Variants in GPAT2 observed in about 807,000 individuals in gnomAD.
GPAT2 encodes the protein glycerol-3-phosphate acyltransferase 2, mitochondrial, also known as 1-acylglycerol-3-phosphate O-acyltransferase GPAT2.
In GPAT2, 51 loss-of-function variants were observed where a neutral mutation model predicts 71.0. The ratio of observed to expected loss-of-function variants is 0.72; its 90% CI spans 0.57 to 0.91. The LOEUF (loss-of-function observed/expected upper bound fraction) is 0.91. Among genes scored for constraint, GPAT2 ranks in the 40% least tolerant of loss-of-function variants. The pLI is 0.00. For missense variants in GPAT2, 511 were observed against 666.0 expected, an observed-to-expected ratio of 0.77 and a Z score of 2.56; for synonymous variants, 222 against 290.3, an observed-to-expected ratio of 0.76 and a Z score of 2.39.
rs748872711 is a variant in GPAT2, at chr2:96,025,487, C to T, written c.1355G>A (p.Ser452Asn). 1.4e-5 allele frequency: 22 copies of T among 1,573,740 alleles called. No individual in the cohort carries two copies. Among genetic ancestry groups the T allele is most frequent in the Admixed American group, 9.6e-5 (5 of 51,954 alleles). Residue 452 changes from serine (S) to asparagine (N), a missense_variant and splice_region_variant, in exon 13 of 22, where the codon AGT (serine) becomes AAT (asparagine). Around this residue, in one of 7 missense-constraint regions of GPAT2, gnomAD observed 295 missense variants for 305.5 expected, o/e 0.97. Transcript: ENST00000434632. Reference protein sequence around the residue: ...LVRRLSCHVLSASVGSSAVMS... With the variant: ...LVRRLSCHVLNASVGSSAVMS... The stretch of plus-strand genomic sequence containing the variant: ...GCCCAGATCTGGTTCACCCTCACCA[C>T]TCAGGACATGACAGCTCAGTCTCCT...
intron 20 of GPAT2, 73 bp from the exon 21 acceptor site, chr2:96,022,796 T>C (rs1573843995): frequency 6.2e-7 from 1 of 1,613,842 alleles, no homozygotes. Flanking sequence ...TTCTCTCCTC[T>C]TGTTTAAAGA....
At chr2:96,022,606 C>T in intron 21 of GPAT2, 62 bp downstream of exon 21, 1 of 1,571,422 alleles carries the variant, frequency 6.4e-7, no homozygotes, top group Middle Eastern at 1.7e-4. Flanking sequence ...CTGGGTTTCC[C>T]TGAGCTACTC....
At chr2:96,023,804 G>T in intron 17 of GPAT2, 119 bp downstream of exon 17, 1 of 1,486,826 alleles carries the variant, frequency 6.7e-7, no homozygotes, top group Non-Finnish European at 9.0e-7. Flanking sequence ...GCCAGGGGCT[G>T]CCCACCCCCA....
In GPAT2 at chr2:96,023,412, G is replaced by A. The variant is rs200780251; in HGVS notation, c.1943C>T (p.Thr648Ile). 3 of 1,614,122 alleles carry A rather than the reference G, an allele frequency of 1.9e-6. No individual in the cohort carries two copies. The highest frequency in any genetic ancestry group is 2.7e-5 in the African/African-American group (2 of 75,074). ...CTTTCTGCTCAATCGCTGTCGCCCT[G>A]TGTCACAGGCTGGCCGGGAGCCTGG... ...ETPGSRPACD[T>I]GRQRLSRKLL... is the part of the protein sequence containing the mutation. The change falls in exon 18 of 22, where the codon ACA becomes ATA. Residue 648 changes from threonine (T) to isoleucine (I), a missense_variant. Coordinates refer to ENST00000434632, the MANE Select transcript of GPAT2 (RefSeq NM_001321527.2).
intron 17 of GPAT2, 195 bp downstream of exon 17, chr2:96,023,728 G>A (rs571873782): frequency 4.2e-5 from 46 of 1,094,150 alleles, no homozygotes; most frequent in Middle Eastern, 6.2e-4. Context: ...CACAGAACCG[G>A]GGCATAGGTG....
Position 96,024,554 on chromosome 2 carries a change from C to G in GPAT2, c.1560G>C (p.Ala520=). The G allele has an allele frequency of 3.1e-6, 5 of 1,613,812 alleles. No homozygotes were observed. The highest frequency in any genetic ancestry group is 4.2e-6 in the Non-Finnish European group (5 of 1,179,900). The change falls in exon 15 of 22, where the codon GCG becomes GCC. Residue 520 remains alanine (A), a synonymous_variant. Coordinates refer to ENST00000434632, the MANE Select transcript of GPAT2 (RefSeq NM_001321527.2). ...GACGGATGCGCAGCAGGGCCACGTG[C>G]GCCCGCAGCAGGCTCAGTGAGTGCT... is the stretch of plus-strand genomic sequence containing the variant. ...LLQHSLSLLR[A]HVALLRIRQG...
At chr2:96,023,742 A>T (rs1418279554) in intron 17 of GPAT2, 181 bp downstream of exon 17, 13 of 1,206,952 alleles carry the variant, frequency 1.1e-5, no homozygotes, top group Non-Finnish European at 1.5e-5. Flanking sequence ...ATAGGTGGCT[A>T]TATCCCAAGG....
At chr2:96,023,785 C>G (rs567922373) in intron 17 of GPAT2, 138 bp downstream of exon 17, 1 of 1,451,148 alleles carries the variant, frequency 6.9e-7, no homozygotes, top group African/African-American at 1.4e-5. Context: ...TAGGCTTCCC[C>G]GCTGCAAGGC....
intron 13 of GPAT2, 91 bp downstream of exon 13, chr2:96,025,394 C>T: frequency 1.4e-6 from 2 of 1,478,082 alleles, no homozygotes; most frequent in Non-Finnish European, 1.8e-6. Context: ...GGTGCAGACA[C>T]TTGGAATGGA....
At chr2:96,022,471 A>G (rs1679785601) in intron 21 of GPAT2, among the ~76,000 whole-genome samples, 196 bp from the exon 22 acceptor site, 1 of 152,222 alleles carries the variant, frequency 6.6e-6, no homozygotes, top group Non-Finnish European at 1.5e-5. Context: ...TGGGAGACCA[A>G]GAGGCAGGAA....
At chr2:96,024,752 C>T (rs1186141462) in intron 14 of GPAT2, 21 bp downstream of exon 14, 5 of 1,613,988 alleles carry the variant, frequency 3.1e-6, no homozygotes, top group Non-Finnish European at 4.2e-6. Context: ...GCCCAGGTCC[C>T]CACCACATTG....
chr2:96,022,840 A>C, intron 20 of GPAT2, 117 bp from the exon 21 acceptor site: 1 of 1,612,364 alleles, frequency 6.2e-7, no homozygotes, highest in Non-Finnish European at 8.5e-7. Context: ...GACTGGACAG[A>C]AGACTGTACT....
chr2:96,025,526 T>C lies in GPAT2; in HGVS notation c.1316A>G (p.Asp439Gly), dbSNP rs948307781. The C allele has an allele frequency of 6.4e-7, 1 of 1,559,088 alleles. No individual in the cohort carries two copies. Among genetic ancestry groups the C allele is most frequent in the Non-Finnish European group, 8.7e-7 (1 of 1,153,790 alleles). The change falls in exon 13 of 22, where the codon GAC becomes GGC. Residue 439 changes from aspartate to glycine, a missense_variant. Around this residue, in one of 7 missense-constraint regions of GPAT2, gnomAD observed 4 missense variants for 19.1 expected, o/e 0.21. Coordinates refer to ENST00000434632, the MANE Select transcript of GPAT2 (RefSeq NM_001321527.2). ...TGPLLALKEE[D>G]QLLVRRLSCH... ...GCTCAGTCTCCTGACCAGGAGCTGG[T>C]CCTCTTCCTTGAGGGCCAGGAGAGG...
Position 96,024,847 on chromosome 2 carries a change from G to C in GPAT2, c.1358-4C>G, listed in dbSNP as rs1299480911. The C allele has an allele frequency of 1.9e-6, 3 of 1,612,642 alleles. No individual in the cohort carries two copies. The highest frequency in any genetic ancestry group is 2.7e-5 in the African/African-American group (2 of 75,006). On this transcript the variant is annotated splice_region_variant and splice_polypyrimidine_tract_variant and intron_variant, in intron 13 of 21. Transcript: ENST00000434632. ...ACCGCAGAGCTCCCTACACTGGCTGGAGTGGGGCGGGGGGTGGAGATGCTG... is the reference window on the plus strand; with the variant it reads ...ACCGCAGAGCTCCCTACACTGGCTGCAGTGGGGCGGGGGGTGGAGATGCTG...
In GPAT2 at chr2:96,024,563, C is replaced by T; in HGVS notation, c.1551G>A (p.Leu517=). The T allele has an allele frequency of 6.2e-7, 1 of 1,613,938 alleles. No homozygotes were observed. The highest frequency in any genetic ancestry group is 8.5e-7 in the Non-Finnish European group (1 of 1,179,940). ...GCAGCAGGGCCACGTGCGCCCGCAG[C>T]AGGCTCAGTGAGTGCTGCAGCAGGC... ...LRSLLQHSLS[L]LRAHVALLRI... Residue 517 remains leucine, a synonymous_variant, in exon 15 of 22, where the codon CTG becomes CTA. Coordinates refer to ENST00000434632, the MANE Select transcript of GPAT2 (RefSeq NM_001321527.2).
At chr2:96,025,052 C>A in intron 13 of GPAT2, 1 of 624,952 alleles carries the variant, frequency 1.6e-6, no homozygotes, top group Admixed American at 2.6e-5. Context: ...GTAGGGCCCA[C>A]ACATCAACCC....
chr2:96,023,078 G>A (rs746671457), intron 19 of GPAT2, 28 bp downstream of exon 19: 34 of 1,613,818 alleles, frequency 2.1e-5, no homozygotes, highest in South Asian at 6.6e-5. Context: ...AGCCTGCCTC[G>A]AGGACTGCAA....
chr2:96,023,500 C>A, intron 17 of GPAT2, 60 bp from the exon 18 acceptor site: 2 of 1,576,214 alleles, frequency 1.3e-6, no homozygotes, highest in Non-Finnish European at 1.7e-6. Context: ...CCTACACCCC[C>A]AGACCAGGTA....
rs773652573 is a variant in GPAT2, at chr2:96,023,401, G to A, written c.1954C>T (p.Arg652Ter). 32 of 1,614,140 alleles carry A rather than the reference G, an allele frequency of 2.0e-5. No homozygotes were observed. The highest frequency in any genetic ancestry group is 4.5e-5 in the East Asian group (2 of 44,878). Residue 652 changes from arginine (R) to a stop codon, truncating the protein, a stop_gained, in exon 18 of 22, where the codon CGA becomes TGA. Coordinates refer to ENST00000434632, the MANE Select transcript of GPAT2 (RefSeq NM_001321527.2). LOFTEE classifies it high-confidence loss of function. The stretch of plus-strand genomic sequence containing the variant: ...TTCCACAGCAGCTTTCTGCTCAATC[G>A]CTGTCGCCCTGTGTCACAGGCTGGC... The part of the protein sequence containing the change: ...SRPACDTGRQ[R>*]LSRKLLWKPS...
Sources: allele counts gnomAD v4.1 joint callset (sites outside exome capture counted in the v4.1 genomes callset), GRCh38; gene constraint gnomAD v4.1.1; regional missense constraint gnomAD v4.1.1; transcripts MANE v1.5; gene names NCBI Gene and HGNC (gene_info 2026-07-23, HGNC 2026-07-21).